Variants in PCDHA4 observed in about 807,000 individuals in gnomAD.
The protein encoded by PCDHA4 is protocadherin alpha 4, also known as protocadherin alpha-4.
PCDHA4 carries 49 observed loss-of-function variants against 61.4 expected under a neutral mutation model. The ratio of observed to expected loss-of-function variants is 0.80; its 90% confidence interval spans 0.63 to 1.01. PCDHA4 has a LOEUF of 1.01. PCDHA4 is among the 50% of genes least tolerant of loss of function. The pLI, the probability that PCDHA4 is intolerant of heterozygous loss-of-function variation, is 0.00. For synonymous variants in PCDHA4, 590 were observed against 550.3 expected (o/e 1.07, Z -1.01); for missense variants, 1,254 against 1,235.8 (o/e 1.01, Z -0.22).
intron 1 of PCDHA4, among the ~76,000 whole-genome samples, chr5:140,903,075 C>T (rs2069986128): frequency 6.6e-6 from 1 of 152,114 alleles, no homozygotes; most frequent in Non-Finnish European, 1.5e-5. Flanking sequence ...TGGGTAGATA[C>T]CTGATAGTGG....
At chr5:140,830,170 G>C in intron 1 of PCDHA4, 1 of 1,613,606 alleles carries the variant, frequency 6.2e-7, no homozygotes, top group Non-Finnish European at 8.5e-7. Flanking sequence ...AGGCGGCGCT[G>C]GTGGATGTCA....
rs547015879 is a variant in PCDHA4 at position 140,902,341 on chromosome 5, G to A, written c.2386-76608G>A. 1.8e-3 allele frequency among the ~76,000 whole-genome samples: 276 copies of A among 151,446 alleles called. 1 individual carries two copies. The highest frequency in any genetic ancestry group is 3.7e-3 in the Non-Finnish European group (250 of 67,812). The stretch of plus-strand genomic sequence containing the variant: ...GTGTAACTCACTTCGCCTGGCCTAG[G>A]AAGCCCTTTATTTCTTTCTCTTGTC... On this transcript the variant is annotated intron_variant, in intron 1 of 3. Transcript: ENST00000530339.
chr5:140,859,389 T>C (rs1554152298), intron 1 of PCDHA4: 1 of 268,430 alleles, frequency 3.7e-6, no homozygotes, highest in Non-Finnish European at 6.7e-6. Context: ...TCTCTAGTCA[T>C]CTTAAACAGG....
chr5:140,896,847 A>G (rs892276664), intron 1 of PCDHA4, among the ~76,000 whole-genome samples: 5 of 152,064 alleles, frequency 3.3e-5, no homozygotes, highest in African/African-American at 4.8e-5. Flanking sequence ...TTTTAATTTT[A>G]TGGGTACATA....
chr5:140,965,401 A>G (rs546046699), intron 1 of PCDHA4, among the ~76,000 whole-genome samples: 2 of 152,284 alleles, frequency 1.3e-5, no homozygotes, highest in African/African-American at 4.8e-5. Flanking sequence ...AAGTCTAAGG[A>G]GTCTTATATT....
intron 3 of PCDHA4, among the ~76,000 whole-genome samples, chr5:140,996,819 C>T (rs1446677147): frequency 6.6e-6 from 1 of 152,142 alleles, no homozygotes; most frequent in East Asian, 1.9e-4. Context: ...CAAAAGTAAC[C>T]ACTACCAATA....
intron 1 of PCDHA4, among the ~76,000 whole-genome samples, chr5:140,910,717 T>C (rs1349205242): frequency 1.3e-5 from 2 of 152,142 alleles, no homozygotes; most frequent in African/African-American, 4.8e-5. Flanking sequence ...CATCTTTTAA[T>C]CCATATTTCA....
At chr5:140,952,088 A>G (rs2094684736) in intron 1 of PCDHA4, among the ~76,000 whole-genome samples, 1 of 152,154 alleles carries the variant, frequency 6.6e-6, no homozygotes, top group South Asian at 2.1e-4. Flanking sequence ...TCCATGTCTC[A>G]CATCCAGGGC....
At chr5:140,869,951 CAATT>C (rs1554163647) in intron 1 of PCDHA4, 4 of 1,611,984 alleles carry the variant, frequency 2.5e-6, no homozygotes, top group Non-Finnish European at 3.4e-6. Flanking sequence ...TCCTTAATGT[CAATT>C]AAGCCCAATG....
At chr5:140,871,709 C>A in intron 1 of PCDHA4, 6 of 829,698 alleles carry the variant, frequency 7.2e-6, no homozygotes, top group Non-Finnish European at 1.1e-5. Flanking sequence ...CAATAAATGT[C>A]CTATTTCTCT....
intron 1 of PCDHA4, chr5:140,926,589 G>A: frequency 3.4e-6 from 1 of 292,780 alleles, no homozygotes; most frequent in Non-Finnish European, 6.2e-6. Context: ...TCTCGCGCCC[G>A]GGCGGGCGGC....
chr5:140,881,538 C>A (rs879991805), intron 1 of PCDHA4, among the ~76,000 whole-genome samples: 1 of 152,196 alleles, frequency 6.6e-6, no homozygotes, highest in Middle Eastern at 3.2e-3. Flanking sequence ...TGACTGAACA[C>A]TTTCTTTTGA....
chr5:140,809,749 C>G (rs1248056700), intron 1 of PCDHA4, 177 bp downstream of exon 1: 1 of 653,570 alleles, frequency 1.5e-6, no homozygotes, highest in Non-Finnish European at 2.5e-6. Flanking sequence ...ATATTGCCTT[C>G]CTTCATTTTA....
chr5:140,991,885 A>G (rs1554252463), intron 3 of PCDHA4, among the ~76,000 whole-genome samples: 1 of 152,198 alleles, frequency 6.6e-6, no homozygotes, highest in Non-Finnish European at 1.5e-5. Context: ...GGCTGCCATA[A>G]CAAATTAACA....
intron 1 of PCDHA4, chr5:140,829,559 G>C (rs2150170055): frequency 6.2e-7 from 1 of 1,612,768 alleles, no homozygotes; most frequent in Non-Finnish European, 8.5e-7. Flanking sequence ...GAACGCGCTG[G>C]TGTCCTACTC....
chr5:140,967,963 A>G (rs1554230144), intron 1 of PCDHA4: 1 of 1,614,210 alleles, frequency 6.2e-7, no homozygotes, highest in South Asian at 1.1e-5. Flanking sequence ...CCAACCGGAA[A>G]GTGAGCCTGG....
At chr5:140,841,556 C>A (rs2150318181) in intron 1 of PCDHA4, 1 of 1,613,884 alleles carries the variant, frequency 6.2e-7, no homozygotes, top group South Asian at 1.1e-5. Flanking sequence ...GGAGGTAAGT[C>A]TGCAGAATGG....
intron 1 of PCDHA4, among the ~76,000 whole-genome samples, chr5:140,953,965 G>A (rs1554221174): frequency 6.6e-6 from 1 of 152,024 alleles, no homozygotes; most frequent in Non-Finnish European, 1.5e-5. Flanking sequence ...GCCCCAGTGT[G>A]TGTTGTTCCC....
rs782779617 is a variant in PCDHA4 at position 140,857,239 on chromosome 5, G to C, written c.2385+47667G>C. On this transcript the variant is annotated intron_variant, in intron 1 of 3. Coordinates refer to ENST00000530339, the MANE Select transcript of PCDHA4 (RefSeq NM_018907.4). ...CGCCTCACGTTCCGTTCAAGCTGGT[G>C]TCCACCTACAAGAATTACTACTCAT... is the stretch of plus-strand genomic sequence containing the variant. The C allele has an allele frequency of 6.9e-6, 11 of 1,598,550 alleles. 2 individuals carry two copies. The highest frequency in any genetic ancestry group is 7.7e-6 in the Non-Finnish European group (9 of 1,167,946).
Sources: gnomAD v4.1 joint callset for allele counts (sites outside exome capture counted in the v4.1 genomes callset) on GRCh38, gnomAD v4.1.1 for gene constraint, MANE v1.5 for transcripts, NCBI Gene and HGNC (gene_info 2026-07-23, HGNC 2026-07-21) for gene names.